The following GATAD2A variants were observed in gnomAD, a reference collection of about 807,000 sequenced individuals.
The protein encoded by GATAD2A is transcriptional repressor p66-alpha.
Under a neutral mutation model 68.5 loss-of-function variants are expected in GATAD2A, and 12 were observed. That is an observed-to-expected ratio of 0.18 (90% CI 0.11 to 0.28). GATAD2A has a LOEUF of 0.28. GATAD2A is among the 10% of genes least tolerant of loss of function. GATAD2A has a pLI of 1.00. For synonymous variants in GATAD2A, 410 were observed against 375.3 expected (o/e 1.09, Z -1.07); for missense variants, 755 against 868.5 (o/e 0.87, Z 1.64).
intron 1 of GATAD2A, among the ~76,000 whole-genome samples, chr19:19,453,505 TG>T (rs1318012559): frequency 4.6e-5 from 7 of 152,124 alleles, no homozygotes; most frequent in Non-Finnish European, 8.8e-5. Flanking sequence ...CTGTCCGCTG[TG>T]CCCCCCACAT....
intron 2 of GATAD2A, among the ~76,000 whole-genome samples, chr19:19,489,864 G>A (rs2059669326): frequency 6.6e-6 from 1 of 152,218 alleles, no homozygotes. Context: ...CCACCTGGGT[G>A]GAGGCCAGCT....
At chr19:19,431,554 C>T (rs1423557376) in intron 1 of GATAD2A, among the ~76,000 whole-genome samples, 1 of 151,176 alleles carries the variant, frequency 6.6e-6, no homozygotes, top group East Asian at 2.0e-4. Flanking sequence ...ATTAGCTGGG[C>T]GTGGTGGTGC....
At chr19:19,471,799 T>G (rs1224818552) in intron 2 of GATAD2A, among the ~76,000 whole-genome samples, 1 of 152,172 alleles carries the variant, frequency 6.6e-6, no homozygotes, top group East Asian at 1.9e-4. Context: ...AGTCTGTTGG[T>G]TTTGTGAGGC....
chr19:19,389,786 AG>A (rs1271515921), intron 1 of GATAD2A, among the ~76,000 whole-genome samples: 1 of 152,106 alleles, frequency 6.6e-6, no homozygotes, highest in African/African-American at 2.4e-5. Context: ...TTTTTGAGAC[AG>A]GGTCTCACTT....
intron 1 of GATAD2A, among the ~76,000 whole-genome samples, chr19:19,431,557 G>T (rs1170287355): frequency 6.6e-6 from 1 of 151,428 alleles, no homozygotes; most frequent in Non-Finnish European, 1.5e-5. Context: ...AGCTGGGCGT[G>T]GTGGTGCGTG....
intron 11 of GATAD2A, 119 bp downstream of exon 11, chr19:19,502,645 G>A: frequency 1.3e-6 from 1 of 754,396 alleles, no homozygotes; most frequent in Non-Finnish European, 2.1e-6. Flanking sequence ...CCCAAGCTCA[G>A]CCTCCTCGGA....
At chr19:19,479,097 G>A (rs772515625) in intron 2 of GATAD2A, among the ~76,000 whole-genome samples, 42 of 152,036 alleles carry the variant, frequency 2.8e-4, no homozygotes, top group Non-Finnish European at 5.4e-4. Context: ...ATCATTGTGC[G>A]TTTCCTCCTC....
chr19:19,446,707 G>A (rs1483916405), intron 1 of GATAD2A, among the ~76,000 whole-genome samples: 2 of 152,030 alleles, frequency 1.3e-5, no homozygotes, highest in African/African-American at 2.4e-5. Flanking sequence ...CATATATGGG[G>A]TGATGTAAAG....
At chr19:19,448,023 T>C (rs1056398644) in intron 1 of GATAD2A, among the ~76,000 whole-genome samples, 1 of 152,228 alleles carries the variant, frequency 6.6e-6, no homozygotes, top group Non-Finnish European at 1.5e-5. Flanking sequence ...GCCTCCCATT[T>C]TGTGATGTGA....
intron 2 of GATAD2A, among the ~76,000 whole-genome samples, chr19:19,471,489 A>AG (rs903469596): frequency 2.1e-5 from 3 of 142,314 alleles, no homozygotes; most frequent in Non-Finnish European, 4.6e-5. Flanking sequence ...AGAGATGGAA[A>AG]GTGACCAGTG....
chr19:19,461,447 C>T (rs1292914225), intron 1 of GATAD2A, among the ~76,000 whole-genome samples: 2 of 152,214 alleles, frequency 1.3e-5, no homozygotes, highest in African/African-American at 4.8e-5. Flanking sequence ...GTTCTGGTTC[C>T]TGCCACAGCA....
chr19:19,469,469 T>C (rs945525851), intron 2 of GATAD2A, among the ~76,000 whole-genome samples: 16 of 149,858 alleles, frequency 1.1e-4, no homozygotes, highest in Admixed American at 9.3e-4. Flanking sequence ...ATTAAAGTTA[T>C]ACACTAAAAA....
rs568736273 is a variant in GATAD2A at position 19,461,745 on chromosome 19, G to A, written c.-6-3595G>A. Among the ~76,000 whole-genome samples, 101 of 152,362 alleles carry A rather than the reference G, an allele frequency of 6.6e-4. 3 individuals are homozygous for A. Among genetic ancestry groups the A allele is most frequent in the African/African-American group, 2.3e-3 (94 of 41,586 alleles). ...GACCGATGCCCACTCAGCCTTGCTG[G>A]TGCTGCTCATCTGTGCTGGCTTGCA... is the stretch of plus-strand genomic sequence containing the variant. On this transcript the variant is annotated intron_variant, in intron 1 of 11. Coordinates refer to ENST00000683918, the MANE Select transcript of GATAD2A (RefSeq NM_001384528.1).
chr19:19,479,106 T>C (rs2058878354), intron 2 of GATAD2A, among the ~76,000 whole-genome samples: 1 of 152,154 alleles, frequency 6.6e-6, no homozygotes, highest in Non-Finnish European at 1.5e-5. Flanking sequence ...CGTTTCCTCC[T>C]CTAATGAGAA....
At chr19:19,400,105 A>T in intron 1 of GATAD2A, among the ~76,000 whole-genome samples, 1 of 152,014 alleles carries the variant, frequency 6.6e-6, no homozygotes, top group Non-Finnish European at 1.5e-5. Context: ...CCATATGTAG[A>T]CACAAAAGAG....
At position 19,501,238 on chromosome 19, in the gene GATAD2A, G is replaced by A; in HGVS notation, c.1325G>A (p.Cys442Tyr). ...EKSGAIMCEN[C>Y]MTTNQKKALK... The stretch of plus-strand genomic sequence containing the variant: ...AGCGGCGCCATCATGTGTGAGAACT[G>A]CATGACAACCAACCAGAAGAAGGCG... Residue 442 changes from cysteine to tyrosine, a missense_variant, in exon 9 of 12, where the codon TGC becomes TAC. Coordinates refer to ENST00000683918, the MANE Select transcript of GATAD2A (RefSeq NM_001384528.1). The A allele has an allele frequency of 6.2e-7, 1 of 1,613,524 alleles. No individual in the cohort carries two copies. The highest frequency in any genetic ancestry group is 8.5e-7 in the Non-Finnish European group (1 of 1,180,016).
intron 1 of GATAD2A, chr19:19,434,984 C>T: frequency 2.5e-6 from 1 of 399,014 alleles, no homozygotes; most frequent in South Asian, 1.8e-5. Flanking sequence ...GGCTGGTTTC[C>T]CTGGGGTCCA....
intron 1 of GATAD2A, among the ~76,000 whole-genome samples, chr19:19,406,221 G>C (rs2050219871): frequency 7.2e-6 from 1 of 139,852 alleles, no homozygotes; most frequent in African/African-American, 3.0e-5. Flanking sequence ...TCCTTGCCCC[G>C]AGGCGGCCCG....
intron 5 of GATAD2A, 120 bp from the exon 6 acceptor site, chr19:19,495,634 T>TAAAAA (rs3067692): frequency 1.3e-3 from 684 of 546,538 alleles, no homozygotes; most frequent in South Asian, 3.8e-3. Context: ...CTCTGCTACT[T>TAAAAA]AAAAAAAAAA....
Sources: allele counts gnomAD v4.1 joint callset (sites outside exome capture counted in the v4.1 genomes callset), GRCh38; gene constraint gnomAD v4.1.1; transcripts MANE v1.5; gene names NCBI Gene and HGNC (gene_info 2026-07-23, HGNC 2026-07-21).